SLC22A3: variants seen among roughly 807,000 people sequenced by gnomAD.
SLC22A3 encodes the protein solute carrier family 22 member 3.
SLC22A3 carries 51 observed loss-of-function variants against 59.1 expected under a neutral mutation model. That is an observed-to-expected ratio of 0.86 (90% CI 0.69 to 1.09). The LOEUF (loss-of-function observed/expected upper bound fraction) is 1.09, where lower values mean the gene tolerates loss of function less well. Among genes scored for constraint, SLC22A3 ranks in the 50% least tolerant of loss-of-function variants. SLC22A3 has a pLI of 0.00. For synonymous variants in SLC22A3, 325 were observed against 292.0 expected (o/e 1.11, Z -1.15); for missense variants, 711 against 726.3 (o/e 0.98, Z 0.24).
rs10618183 is a variant in SLC22A3 at position 160,438,597 on chromosome 6, TACACAC to T, written c.1288+1408_1288+1413del. 5.3e-3 allele frequency among the ~76,000 whole-genome samples: 791 copies of T among 149,024 alleles called. 6 individuals are homozygous for T. Among genetic ancestry groups the T allele is most frequent in the African/African-American group, 0.017 (682 of 40,850 alleles). On this transcript the variant is annotated intron_variant, in intron 7 of 10. Coordinates refer to ENST00000275300, the MANE Select transcript of SLC22A3 (RefSeq NM_021977.4). ...TATTCGGAACACACACACACACACATACACACACACACACACACACACACACAATGT... is the reference window on the plus strand; with the variant it reads ...TATTCGGAACACACACACACACACATACACACACACACACACACACAATGT...
intron 1 of SLC22A3, among the ~76,000 whole-genome samples, chr6:160,369,973 T>G (rs1785343082): frequency 6.6e-6 from 1 of 152,194 alleles, no homozygotes; most frequent in African/African-American, 2.4e-5. Flanking sequence ...TTTACTGATT[T>G]GGCAGAGAGT....
chr6:160,384,914 C>G (rs1785939547), intron 1 of SLC22A3, among the ~76,000 whole-genome samples: 1 of 152,230 alleles, frequency 6.6e-6, no homozygotes, highest in African/African-American at 2.4e-5. Context: ...CTCTTCTTGT[C>G]TCACAGTCTC....
At chr6:160,404,102 G>C (rs992289602) in intron 2 of SLC22A3, among the ~76,000 whole-genome samples, 1 of 151,698 alleles carries the variant, frequency 6.6e-6, no homozygotes, top group Admixed American at 6.6e-5. Flanking sequence ...GAAAATAACA[G>C]GTATACTGAT....
At chr6:160,420,886 C>T (rs1426989831) in intron 5 of SLC22A3, among the ~76,000 whole-genome samples, 2 of 152,230 alleles carry the variant, frequency 1.3e-5, no homozygotes, top group Non-Finnish European at 2.9e-5. Context: ...GCTTGCCAGC[C>T]GTTCCCGGGA....
chr6:160,401,869 A>C (rs1173213071), intron 2 of SLC22A3, among the ~76,000 whole-genome samples: 1 of 151,988 alleles, frequency 6.6e-6, no homozygotes, highest in East Asian at 1.9e-4. Flanking sequence ...TTTTTAAAAA[A>C]GCATGACTGA....
intron 10 of SLC22A3, among the ~76,000 whole-genome samples, chr6:160,448,174 G>A (rs1029279136): frequency 6.6e-6 from 1 of 152,208 alleles, no homozygotes; most frequent in Non-Finnish European, 1.5e-5. Flanking sequence ...TCTACAGAGT[G>A]AGGATGCGTC....
At chr6:160,449,771 T>G (rs1788880243) in intron 10 of SLC22A3, among the ~76,000 whole-genome samples, 1 of 151,676 alleles carries the variant, frequency 6.6e-6, no homozygotes, top group Non-Finnish European at 1.5e-5. Context: ...ATAAAAAGAG[T>G]ACAAAGAGAG....
intron 10 of SLC22A3, among the ~76,000 whole-genome samples, chr6:160,449,456 T>C (rs868376297): frequency 6.6e-6 from 1 of 152,206 alleles, no homozygotes; most frequent in Non-Finnish European, 1.5e-5. Flanking sequence ...AGTAGAAGTA[T>C]GGTTTACAGT....
chr6:160,438,663 G>T (rs1327768036), intron 7 of SLC22A3, among the ~76,000 whole-genome samples: 1 of 151,884 alleles, frequency 6.6e-6, no homozygotes, highest in Non-Finnish European at 1.5e-5. Flanking sequence ...GTTTGATGAT[G>T]AACAGCAACC....
chr6:160,387,311 G>A (rs1786060355), intron 1 of SLC22A3, among the ~76,000 whole-genome samples: 2 of 152,160 alleles, frequency 1.3e-5, no homozygotes, highest in Non-Finnish European at 2.9e-5. Flanking sequence ...GAGGGAAGGA[G>A]GCCAAAGACA....
intron 2 of SLC22A3, among the ~76,000 whole-genome samples, chr6:160,398,833 C>T (rs145104050): frequency 2.6e-3 from 403 of 152,306 alleles, no homozygotes; most frequent in African/African-American, 8.9e-3. Flanking sequence ...ATTGCTGACT[C>T]ATGGCTGTAT....
At chr6:160,392,024 T>C (rs1786278719) in intron 1 of SLC22A3, among the ~76,000 whole-genome samples, 1 of 152,236 alleles carries the variant, frequency 6.6e-6, no homozygotes, top group Admixed American at 6.5e-5. Context: ...CTATATCTCA[T>C]AATGATGCCT....
intron 3 of SLC22A3, 145 bp from the exon 4 acceptor site, chr6:160,408,608 T>G (rs1787115797): frequency 1.4e-6 from 1 of 692,008 alleles, no homozygotes; most frequent in African/African-American, 1.8e-5. Context: ...CCATCCTTTC[T>G]GCAAGTGTGG....
intron 5 of SLC22A3, 54 bp from the exon 6 acceptor site, chr6:160,436,726 G>T: frequency 8.9e-7 from 1 of 1,123,594 alleles, no homozygotes. Flanking sequence ...TCTATACTAT[G>T]CAGGTTTTTT....
chr6:160,362,190 T>C (rs1785034975), intron 1 of SLC22A3, among the ~76,000 whole-genome samples: 2 of 152,238 alleles, frequency 1.3e-5, no homozygotes, highest in South Asian at 4.1e-4. Flanking sequence ...ACATGGAAGA[T>C]GCCTCTCAGT....
intron 1 of SLC22A3, among the ~76,000 whole-genome samples, chr6:160,386,256 C>A (rs1463430015): frequency 6.6e-6 from 1 of 152,186 alleles, no homozygotes; most frequent in Non-Finnish European, 1.5e-5. Context: ...TCCAGCCTGT[C>A]TTTTCTGTTT....
chr6:160,408,270 T>C (rs187436652), intron 3 of SLC22A3, among the ~76,000 whole-genome samples: 4 of 152,330 alleles, frequency 2.6e-5, no homozygotes, highest in Admixed American at 2.0e-4. Context: ...AATTATCATT[T>C]AATAGAAGTT....
chr6:160,372,420 GC>G (rs1325076645), intron 1 of SLC22A3, among the ~76,000 whole-genome samples: 1 of 152,100 alleles, frequency 6.6e-6, no homozygotes, highest in African/African-American at 2.4e-5. Flanking sequence ...CTCTCTGGCT[GC>G]CCTTTACATT....
rs559705428 is a variant in SLC22A3 at position 160,399,910 on chromosome 6, T to C, written c.533+1828T>C. On this transcript the variant is annotated intron_variant, in intron 2 of 10. Transcript: ENST00000275300. ...ACCCCGCACCCCCAACCCCACTAAA[T>C]AGAAAGACAGGAGAATACAGAGAAT... Among the ~76,000 whole-genome samples, 29 of 151,982 alleles carry C rather than the reference T, an allele frequency of 1.9e-4. 1 individual carries two copies. In the South Asian group the frequency reaches 6.0e-3, roughly 32 times the overall value.
Sources: allele counts gnomAD v4.1 joint callset (sites outside exome capture counted in the v4.1 genomes callset), GRCh38; gene constraint gnomAD v4.1.1; transcripts MANE v1.5; gene names NCBI Gene and HGNC (gene_info 2026-07-23, HGNC 2026-07-21).